Variants in MTUS1 observed in about 807,000 individuals in gnomAD.
MTUS1 encodes the protein microtubule-associated tumor suppressor 1.
MTUS1 carries 109 observed loss-of-function variants against 120.8 expected under a neutral mutation model. That is an observed-to-expected ratio of 0.90 (90% CI 0.77 to 1.06). The LOEUF is 1.06. Among genes scored for constraint, MTUS1 ranks in the 50% least tolerant of loss-of-function variants. The pLI is 0.00. For synonymous variants in MTUS1, 737 were observed against 550.5 expected, an observed-to-expected ratio of 1.34 and a Z score of -4.74; for missense variants, 2,210 against 1,486.3, an observed-to-expected ratio of 1.49 and a Z score of -8.01.
At position 17,697,338 on chromosome 8, in the gene MTUS1, T is replaced by C. The variant is rs75287318; in HGVS notation, c.2624-12796A>G. The C allele has an allele frequency of 2.6e-3, 4,231 of 1,614,156 alleles. 69 individuals are homozygous for C. The African/African-American group carries it at 0.039, about 15-fold the overall frequency. On this transcript the variant is annotated intron_variant, in intron 6 of 14. Coordinates refer to ENST00000693296, the MANE Select transcript of MTUS1 (RefSeq NM_001363059.2). ...AGCAATCCTTTGGCCGTCAGTCGTATGTGAATGGTGGATAAGGAGAATTTG... is the reference window on the plus strand; with the variant it reads ...AGCAATCCTTTGGCCGTCAGTCGTACGTGAATGGTGGATAAGGAGAATTTG...
At chr8:17,783,699 T>C (rs1237122880) in intron 1 of MTUS1, among the ~76,000 whole-genome samples, 1 of 152,146 alleles carries the variant, frequency 6.6e-6, no homozygotes, top group Non-Finnish European at 1.5e-5. Flanking sequence ...TGACAGCCTA[T>C]TGGTGACAGC....
chr8:17,678,880 T>C (rs1813670750), intron 7 of MTUS1, among the ~76,000 whole-genome samples: 2 of 152,092 alleles, frequency 1.3e-5, no homozygotes, highest in Non-Finnish European at 2.9e-5. Flanking sequence ...ATTACTACCA[T>C]CAATACTGTT....
chr8:17,645,609 T>C lies in MTUS1; in HGVS notation c.*317A>G, dbSNP rs141247327. On this transcript the variant is annotated 3_prime_UTR_variant, in exon 15 of 15. Transcript: ENST00000693296. ...AAATCTTAATAGGGCCCTGAGAGTT[T>C]TTCCCCCTATGCTTAGGTGAAAAAG... 1.6e-4 allele frequency: 37 copies of C among 224,526 alleles called. No homozygotes were observed. In the East Asian group the frequency reaches 3.8e-3, roughly 23 times the overall value. 13.9% of individuals were successfully genotyped at this position (224,526 alleles called of 1,614,324 possible). A position where few individuals can be genotyped will look rare whatever the true frequency, so the allele number is the denominator to read the frequency against.
chr8:17,749,862 A>T (rs915688505), intron 2 of MTUS1, among the ~76,000 whole-genome samples: 1 of 151,936 alleles, frequency 6.6e-6, no homozygotes, highest in Non-Finnish European at 1.5e-5. Context: ...TCTTCTCAGG[A>T]TCTCCTAAGG....
intron 1 of MTUS1, among the ~76,000 whole-genome samples, chr8:17,777,700 A>G (rs2050564880): frequency 1.3e-5 from 2 of 152,198 alleles, no homozygotes; most frequent in Admixed American, 1.3e-4. Flanking sequence ...CCATATCCTT[A>G]TCACACCCAT....
chr8:17,710,197 C>A (rs1035412148), intron 6 of MTUS1, among the ~76,000 whole-genome samples: 2 of 152,096 alleles, frequency 1.3e-5, no homozygotes, highest in African/African-American at 4.8e-5. Context: ...AGTAAGACAG[C>A]AATGAAGTTT....
chr8:17,698,118 C>G (rs1252896431), intron 6 of MTUS1, among the ~76,000 whole-genome samples: 1 of 152,204 alleles, frequency 6.6e-6, no homozygotes, highest in South Asian at 2.1e-4. Flanking sequence ...GAGGACCTCA[C>G]AAATAATCAA....
Position 17,654,623 on chromosome 8 carries a change from A to G in MTUS1, c.3152T>C (p.Ile1051Thr). The G allele has an allele frequency of 6.2e-7, 1 of 1,614,190 alleles. No individual in the cohort carries two copies. The highest frequency in any genetic ancestry group is 1.6e-4 in the Middle Eastern group (1 of 6,062). ...NAAHETSKLE[I>T]EASHSEKLEL... ...AAGTTTCTCTGAGTGGCTAGCTTCA[A>G]TTTCCAACTTAGAGGTTTCATGCGC... Residue 1051 changes from isoleucine to threonine, a missense_variant, in exon 10 of 15, where the codon ATT (isoleucine) becomes ACT (threonine). Transcript: ENST00000693296.
At chr8:17,656,730 C>T (rs1456035276) in intron 8 of MTUS1, among the ~76,000 whole-genome samples, 1 of 151,930 alleles carries the variant, frequency 6.6e-6, no homozygotes, top group Non-Finnish European at 1.5e-5. Context: ...TCCCAGCCAG[C>T]CAGTGTGGTA....
At chr8:17,756,258 G>A (rs1008805173) in intron 1 of MTUS1, among the ~76,000 whole-genome samples, 2 of 152,204 alleles carry the variant, frequency 1.3e-5, no homozygotes, top group African/African-American at 4.8e-5. Context: ...ACTTGTCAAA[G>A]AGAGGAGGAG....
chr8:17,755,494 C>T lies in MTUS1; in HGVS notation c.314G>A (p.Cys105Tyr), dbSNP rs1305648927. The change falls in exon 2 of 15, where the codon TGT becomes TAT. Residue 105 changes from cysteine to tyrosine, a missense_variant. Physicochemically the swap from Cys to Tyr is radical, Grantham distance 194. Coordinates refer to ENST00000693296, the MANE Select transcript of MTUS1 (RefSeq NM_001363059.2). The part of the protein sequence containing the change: ...LDMHKDSICQ[C>Y]PALVGTEKPK... ...CTTCTCAGTACCTACAAGTGCAGGACACTGACAAATAGAATCTTTATGCAT... is the reference window on the plus strand; with the variant it reads ...CTTCTCAGTACCTACAAGTGCAGGATACTGACAAATAGAATCTTTATGCAT... The T allele has an allele frequency of 1.5e-5, 25 of 1,613,994 alleles. No homozygotes were observed. In the Admixed American group the frequency reaches 4.0e-4, roughly 26 times the overall value.
chr8:17,675,776 AAAATT>A (rs1165035271), intron 7 of MTUS1, among the ~76,000 whole-genome samples: 15 of 151,926 alleles, frequency 9.9e-5, no homozygotes, highest in Non-Finnish European at 5.9e-5. Flanking sequence ...CTTTAAAGAC[AAAATT>A]AAATTAATTT....
intron 1 of MTUS1, among the ~76,000 whole-genome samples, chr8:17,781,495 T>C (rs2050871538): frequency 6.6e-6 from 1 of 152,256 alleles, no homozygotes; most frequent in African/African-American, 2.4e-5. Context: ...TTCCTCTGAA[T>C]GACAGTGATT....
chr8:17,720,648 T>C (rs183319164), intron 4 of MTUS1, among the ~76,000 whole-genome samples: 12 of 152,320 alleles, frequency 7.9e-5, no homozygotes, highest in East Asian at 3.9e-4. Flanking sequence ...CGCAAAGTTA[T>C]ACACTCTCCC....
At chr8:17,721,837 T>A in intron 4 of MTUS1, 3 of 1,614,110 alleles carry the variant, frequency 1.9e-6, no homozygotes, top group Non-Finnish European at 2.5e-6. Flanking sequence ...GAGTGTAGAA[T>A]TGATAAAGAT....
intron 3 of MTUS1, 137 bp from the exon 4 acceptor site, chr8:17,723,970 C>T: frequency 1.4e-6 from 1 of 690,282 alleles, no homozygotes; most frequent in Non-Finnish European, 2.4e-6. Context: ...CATGTAACTT[C>T]AGATGAAAGA....
intron 2 of MTUS1, among the ~76,000 whole-genome samples, chr8:17,744,430 T>G (rs758816235): frequency 6.6e-6 from 1 of 152,092 alleles, no homozygotes; most frequent in African/African-American, 2.4e-5. Context: ...AATAACTTCT[T>G]TAGTTTTTTG....
At chr8:17,801,502 T>G (rs1178168933), upstream of MTUS1, 1 of 151,802 alleles carries the variant, frequency 6.6e-6, no homozygotes, top group Non-Finnish European at 1.5e-5. Context: ...CGCTCTCCGC[T>G]CCCGCTCTCG....
intron 8 of MTUS1, chr8:17,674,814 T>C (rs910645961): frequency 7.6e-6 from 8 of 1,051,274 alleles, no homozygotes; most frequent in Admixed American, 1.0e-4. Context: ...ACGGATTTAC[T>C]GTTTATCAAG....
Sources: allele counts gnomAD v4.1 joint callset (sites outside exome capture counted in the v4.1 genomes callset), GRCh38; gene constraint gnomAD v4.1.1; transcripts MANE v1.5; gene names NCBI Gene and HGNC (gene_info 2026-07-23, HGNC 2026-07-21).